Variants in ALPK3 observed in about 807,000 individuals in gnomAD.
ALPK3 encodes the protein alpha-protein kinase 3.
A neutral mutation model predicts 140.0 loss-of-function variants in ALPK3; 102 were observed. The ratio of observed to expected loss-of-function variants is 0.73; its 90% CI spans 0.62 to 0.86. The LOEUF is 0.86. Ranked by LOEUF, ALPK3 falls within the 40% of genes least tolerant of loss-of-function variation. The probability of loss-of-function intolerance (pLI) is 0.00; values close to 1 mark genes in which losing one functional copy is unlikely to be tolerated. For synonymous variants in ALPK3, 938 were observed against 898.5 expected, an observed-to-expected ratio of 1.04 and a Z score of -0.79; for missense variants, 2,254 against 2,208.2, an observed-to-expected ratio of 1.02 and a Z score of -0.42.
intron 13 of ALPK3, 81 bp from the exon 14 acceptor site, chr15:84,868,030 G>A: frequency 7.1e-7 from 1 of 1,411,598 alleles, no homozygotes; most frequent in Non-Finnish European, 9.7e-7. Flanking sequence ...ACATCCTGAT[G>A]ATGGCCACCC....
intron 3 of ALPK3, among the ~76,000 whole-genome samples, chr15:84,829,266 C>T (rs1484769179): frequency 6.6e-6 from 1 of 152,154 alleles, no homozygotes; most frequent in Non-Finnish European, 1.5e-5. Context: ...CTCTTTTATA[C>T]CATCATTTTC....
rs1963965318 is a variant in ALPK3, at chr15:84,862,909, C to T, written c.4404C>T (p.Thr1468=). 6.2e-7 allele frequency: 1 copy of T among 1,613,060 alleles called. No homozygotes were observed. The highest frequency in any genetic ancestry group is 1.3e-5 in the African/African-American group (1 of 74,904). The part of the protein sequence containing the change: ...TSLVGRNYDV[T]IQGCKIQNMS... ...TTGTGGGCAGAAACTACGACGTCACCATCCAGGTACTATGTCCCATCTTCA... is the reference window on the plus strand; with the variant it reads ...TTGTGGGCAGAAACTACGACGTCACTATCCAGGTACTATGTCCCATCTTCA... Residue 1468 remains threonine (T), a synonymous_variant, in exon 10 of 14, where the codon ACC becomes ACT. Transcript: ENST00000258888.
At position 84,870,836 on chromosome 15, in the gene ALPK3, G is replaced by A. The variant is rs1392506319; in HGVS notation, c.*2380G>A. ...TGGTGGAGTACGGAAGGGTGGAAAG[G>A]GTTTGGTAGGTAAACCCTGAAGATG... On this transcript the variant is annotated 3_prime_UTR_variant, in exon 14 of 14. Coordinates refer to ENST00000258888, the MANE Select transcript of ALPK3 (RefSeq NM_020778.5). 1 of 152,170 alleles carries A rather than the reference G, an allele frequency of 6.6e-6. No homozygotes were observed. The highest frequency in any genetic ancestry group is 1.5e-5 in the Non-Finnish European group (1 of 68,030). 9.4% of individuals were successfully genotyped at this position (152,170 alleles called of 1,614,324 possible).
chr15:84,820,084 ATGT>A (rs1963405432), intron 1 of ALPK3, among the ~76,000 whole-genome samples: 7 of 152,160 alleles, frequency 4.6e-5, no homozygotes, highest in Admixed American at 4.6e-4. Flanking sequence ...GAACAGTGAG[ATGT>A]GGGTAGGCTA....
chr15:84,847,116 C>T (rs542279662), intron 5 of ALPK3, among the ~76,000 whole-genome samples: 1 of 151,532 alleles, frequency 6.6e-6, no homozygotes, highest in South Asian at 2.1e-4. Flanking sequence ...AGGGAGAAGA[C>T]AGTGAACTTG....
Position 84,840,171 on chromosome 15 carries a change from G to A in ALPK3, c.892G>A (p.Asp298Asn). The change falls in exon 5 of 14, where the codon GAC (aspartate) becomes AAC (asparagine). Residue 298 changes from aspartate to asparagine, a missense_variant. By Grantham distance (23) the Asp-to-Asn change is conservative (BLOSUM62 1). Around this residue, in one of 3 missense-constraint regions of ALPK3, gnomAD observed 2,088 missense variants for 2,022.9 expected, o/e 1.03. Coordinates refer to ENST00000258888, the MANE Select transcript of ALPK3 (RefSeq NM_020778.5). ...GCATGGCTTGCTGACATACATCTGTGACGCCATGGAGCTGGGGCCTCAGAG... is the reference window on the plus strand; with the variant it reads ...GCATGGCTTGCTGACATACATCTGTAACGCCATGGAGCTGGGGCCTCAGAG... Reference protein sequence around the residue: ...GEHGLLTYICDAMELGPQRAL... With the variant: ...GEHGLLTYICNAMELGPQRAL... The A allele has an allele frequency of 6.2e-7, 1 of 1,613,892 alleles. No individual in the cohort carries two copies. Among genetic ancestry groups the A allele is most frequent in the Non-Finnish European group, 8.5e-7 (1 of 1,179,958 alleles).
At position 84,859,176 on chromosome 15, in the gene ALPK3, C is replaced by T. The variant is rs974328906; in HGVS notation, c.3818-67C>T. On this transcript the variant is annotated intron_variant, in intron 6 of 13. Transcript: ENST00000258888. The stretch of plus-strand genomic sequence containing the variant: ...CTCCCAGCCTTTTCCACCAAGGACA[C>T]CCAGGAGAGCAAGGATATGGCCAGA... The T allele has an allele frequency of 1.6e-5, 26 of 1,596,480 alleles. No homozygotes were observed. The African/African-American group carries it at 2.8e-4, about 17-fold the overall frequency.
chr15:84,863,363 C>T (rs1036258658), intron 10 of ALPK3, among the ~76,000 whole-genome samples, 189 bp from the exon 11 acceptor site: 4 of 152,102 alleles, frequency 2.6e-5, no homozygotes, highest in South Asian at 2.1e-4. Context: ...AGTCCAAAGC[C>T]GCTTGTTATA....
At position 84,840,178 on chromosome 15, in the gene ALPK3, T is replaced by C. The variant is rs1283338715; in HGVS notation, c.899T>C (p.Met300Thr). The C allele has an allele frequency of 6.2e-7, 1 of 1,612,156 alleles. No homozygotes were observed. The highest frequency in any genetic ancestry group is 2.2e-5 in the East Asian group (1 of 44,688). ...TTGCTGACATACATCTGTGACGCCA[T>C]GGAGCTGGGGCCTCAGAGAGCCCTC... is the stretch of plus-strand genomic sequence containing the variant. ...HGLLTYICDA[M>T]ELGPQRALKE... Residue 300 changes from methionine to threonine, a missense_variant, in exon 5 of 14, where the codon ATG becomes ACG. Coordinates refer to ENST00000258888, the MANE Select transcript of ALPK3 (RefSeq NM_020778.5).
chr15:84,860,195 G>A (rs1158754575), intron 9 of ALPK3, 123 bp downstream of exon 9: 3 of 1,250,650 alleles, frequency 2.4e-6, no homozygotes, highest in Non-Finnish European at 3.4e-6. Context: ...TCTTAGTTTA[G>A]GATATGGCTT....
intron 1 of ALPK3, among the ~76,000 whole-genome samples, chr15:84,821,747 C>T (rs1963426920): frequency 6.6e-6 from 1 of 152,158 alleles, no homozygotes; most frequent in East Asian, 1.9e-4. Flanking sequence ...CTCTCTCTCT[C>T]CCTTCTATAG....
At chr15:84,823,479 A>G in intron 2 of ALPK3, 111 bp downstream of exon 2, 2 of 1,216,282 alleles carry the variant, frequency 1.6e-6, no homozygotes, top group South Asian at 1.3e-5. Flanking sequence ...GGGTGAGGGG[A>G]GAGCTGGAGG....
intron 12 of ALPK3, 144 bp from the exon 13 acceptor site, chr15:84,867,173 G>T: frequency 1.2e-3 from 537 of 452,406 alleles, no homozygotes; most frequent in Middle Eastern, 3.6e-3. Context: ...GGAAGTTGAT[G>T]CCAGCCTGGG....
chr15:84,827,224 C>A (rs1366257588), intron 2 of ALPK3, among the ~76,000 whole-genome samples: 1 of 152,200 alleles, frequency 6.6e-6, no homozygotes, highest in Non-Finnish European at 1.5e-5. Context: ...TGTAGACTGG[C>A]ATGCTCAGGA....
chr15:84,839,707 G>A lies in ALPK3; in HGVS notation c.428G>A (p.Arg143Gln), dbSNP rs372329290. The A allele has an allele frequency of 5.0e-6, 8 of 1,601,722 alleles. No individual in the cohort carries two copies. The highest frequency in any genetic ancestry group is 6.8e-6 in the Non-Finnish European group (8 of 1,172,500). ...CCTCCCGCTCCTACCTCTAGGTGTC[G>A]AGAAGAAGATGCCGCCATCTACCAG... ...NRHTLQLYRC[R>Q]EEDAAIYQAS... The change falls in exon 5 of 14, where the codon CGA becomes CAA. Residue 143 changes from arginine to glutamine, a missense_variant. Physicochemically the swap from Arg to Gln is conservative, Grantham distance 43. Coordinates refer to ENST00000258888, the MANE Select transcript of ALPK3 (RefSeq NM_020778.5).
intron 12 of ALPK3, among the ~76,000 whole-genome samples, 172 bp from the exon 13 acceptor site, chr15:84,867,145 C>T (rs192591335): frequency 6.6e-6 from 1 of 151,990 alleles, no homozygotes; most frequent in African/African-American, 2.4e-5. Flanking sequence ...CTTGAAGACA[C>T]ACCTGCACTG....
At chr15:84,859,956 G>A in intron 8 of ALPK3, 53 bp downstream of exon 8, 3 of 1,613,906 alleles carry the variant, frequency 1.9e-6, no homozygotes, top group Non-Finnish European at 2.5e-6. Flanking sequence ...CCTGGTGGGT[G>A]GGCAGCAGTC....
rs1356503388 is a variant in ALPK3 at position 84,838,990 on chromosome 15, G to A, written c.315G>A (p.Glu105=). 2.5e-6 allele frequency: 4 copies of A among 1,614,124 alleles called. No individual in the cohort carries two copies. Among genetic ancestry groups the A allele is most frequent in the Middle Eastern group, 1.7e-4 (1 of 6,058 alleles). The part of the protein sequence containing the change: ...RFTCIVTGYP[E]PEVTWYKDDT... ...CTGCTTCTTTCTCAGGATACCCAGA[G>A]CCAGAGGTGACCTGGTACAAGGATG... Residue 105 remains glutamate (E), a synonymous_variant, in exon 4 of 14, where the codon GAG becomes GAA. Coordinates refer to ENST00000258888, the MANE Select transcript of ALPK3 (RefSeq NM_020778.5).
At chr15:84,860,103 G>A in intron 9 of ALPK3, 31 bp downstream of exon 9, 2 of 1,613,266 alleles carry the variant, frequency 1.2e-6, no homozygotes, top group Non-Finnish European at 1.7e-6. Flanking sequence ...AGGCGGGGTG[G>A]TCCTACCCCT....
Sources: allele counts gnomAD v4.1 joint callset (sites outside exome capture counted in the v4.1 genomes callset), GRCh38; gene constraint gnomAD v4.1.1; regional missense constraint gnomAD v4.1.1; transcripts MANE v1.5; gene names NCBI Gene and HGNC (gene_info 2026-07-23, HGNC 2026-07-21).